The following TRAPPC9 variants were observed in gnomAD, a reference collection of about 807,000 sequenced individuals.
TRAPPC9 encodes the protein trafficking protein particle complex subunit 9, also known as IKK2 binding protein.
Under a neutral mutation model 124.0 loss-of-function variants are expected in TRAPPC9, and 83 were observed. The ratio of observed to expected loss-of-function variants is 0.67; its 90% CI spans 0.56 to 0.80. TRAPPC9 has a LOEUF of 0.80. Among genes scored for constraint, TRAPPC9 ranks in the 30% least tolerant of loss-of-function variants. TRAPPC9 has a pLI of 0.00. For missense variants in TRAPPC9, 1,302 were observed against 1,508.3 expected (o/e 0.86, Z 2.27); for synonymous variants, 638 against 617.5 (o/e 1.03, Z -0.49).
intron 6 of TRAPPC9, among the ~76,000 whole-genome samples, chr8:140,400,899 C>G (rs914297431): frequency 6.6e-6 from 1 of 152,192 alleles, no homozygotes; most frequent in South Asian, 2.1e-4. Flanking sequence ...AGCCATTCTG[C>G]ATTTTTGTTT....
chr8:140,339,300 A>G (rs2067132621), intron 9 of TRAPPC9, among the ~76,000 whole-genome samples: 3 of 152,264 alleles, frequency 2.0e-5, no homozygotes, highest in Admixed American at 2.0e-4. Flanking sequence ...AATTTGCAGT[A>G]TGTGAAACAT....
At chr8:140,032,222 T>A (rs1840540475) in intron 17 of TRAPPC9, among the ~76,000 whole-genome samples, 1 of 152,250 alleles carries the variant, frequency 6.6e-6, no homozygotes, top group Non-Finnish European at 1.5e-5. Flanking sequence ...TTCAGTCATT[T>A]AAAATGTAAG....
intron 21 of TRAPPC9, among the ~76,000 whole-genome samples, chr8:139,866,764 CTG>C (rs139054349): frequency 3.3e-5 from 5 of 151,048 alleles, no homozygotes; most frequent in East Asian, 1.9e-4. Flanking sequence ...GATGTTGAGG[CTG>C]TGTGTGTGTG....
intron 18 of TRAPPC9, among the ~76,000 whole-genome samples, chr8:140,006,342 T>C (rs576795922): frequency 6.6e-6 from 1 of 152,232 alleles, no homozygotes; most frequent in Non-Finnish European, 1.5e-5. Flanking sequence ...ATCAAAAAGA[T>C]AGATACAATA....
At position 140,000,852 on chromosome 8, in the gene TRAPPC9, T is replaced by TC. The variant is rs545519485; in HGVS notation, c.2700-12017_2700-12016insG. Among the ~76,000 whole-genome samples the TC allele has an allele frequency of 2.3e-4, 35 of 152,278 alleles. 1 individual carries two copies. The South Asian group carries it at 7.1e-3, about 31-fold the overall frequency. On this transcript the variant is annotated intron_variant, in intron 18 of 22. Coordinates refer to ENST00000438773, the MANE Select transcript of TRAPPC9 (RefSeq NM_001160372.4). ...TCCCTCAAGGATCTAGAACTGGAAA[T>TC]ACCATTTGAACCAGCGATCCCATTA...
intron 10 of TRAPPC9, among the ~76,000 whole-genome samples, chr8:140,307,373 A>G (rs1190523160): frequency 6.6e-6 from 1 of 152,226 alleles, no homozygotes; most frequent in Non-Finnish European, 1.5e-5. Flanking sequence ...TATATGTGCC[A>G]TAAATTATTT....
intron 1 of TRAPPC9, among the ~76,000 whole-genome samples, chr8:140,452,818 G>C (rs889134878): frequency 6.6e-6 from 1 of 151,868 alleles, no homozygotes; most frequent in African/African-American, 2.4e-5. Flanking sequence ...CTGGAAGTCA[G>C]GGCCGATATT....
intron 21 of TRAPPC9, among the ~76,000 whole-genome samples, chr8:139,841,293 G>A (rs556870224): frequency 6.6e-6 from 1 of 152,324 alleles, no homozygotes; most frequent in East Asian, 1.9e-4. Flanking sequence ...ACCTGCACCT[G>A]CAACCCTAAT....
At chr8:140,422,796 C>T (rs1588326801) in intron 5 of TRAPPC9, among the ~76,000 whole-genome samples, 1 of 145,186 alleles carries the variant, frequency 6.9e-6, no homozygotes, top group South Asian at 2.2e-4. Flanking sequence ...AATAAAAAGA[C>T]AAAAAGACAA....
intron 19 of TRAPPC9, among the ~76,000 whole-genome samples, chr8:139,967,865 G>A (rs181028924): frequency 5.3e-5 from 8 of 152,308 alleles, no homozygotes; most frequent in East Asian, 1.9e-4. Context: ...GTGGCCGGGC[G>A]CGGTGGCTCA....
At position 139,773,192 on chromosome 8, in the gene TRAPPC9, C is replaced by A. The variant is rs1018116286; in HGVS notation, c.3056-40990G>T. Among the ~76,000 whole-genome samples, 3 of 152,364 alleles carry A rather than the reference C, an allele frequency of 2.0e-5. No individual in the cohort carries two copies. The East Asian group carries it at 5.8e-4, about 29-fold the overall frequency. ...AGGTAGGGCTGTGTGGGGTTAGTCACCCAGCAGGACGCCTGGCGCGCCCAG... is the reference window on the plus strand; with the variant it reads ...AGGTAGGGCTGTGTGGGGTTAGTCAACCAGCAGGACGCCTGGCGCGCCCAG... On this transcript the variant is annotated intron_variant, in intron 21 of 22. Transcript: ENST00000438773.
At chr8:140,407,649 GCTGGAGTGCAGTGGTA>G (rs2069540314) in intron 5 of TRAPPC9, among the ~76,000 whole-genome samples, 1 of 152,024 alleles carries the variant, frequency 6.6e-6, no homozygotes, top group African/African-American at 2.4e-5. Flanking sequence ...TGTCACCCAG[GCTGGAGTGCAGTGGTA>G]CTGGAGTGCA....
chr8:140,261,552 G>A (rs1022609986), intron 15 of TRAPPC9, among the ~76,000 whole-genome samples: 1 of 152,190 alleles, frequency 6.6e-6, no homozygotes, highest in Non-Finnish European at 1.5e-5. Context: ...ACTGAAATAA[G>A]ACTTGCTGTC....
intron 19 of TRAPPC9, among the ~76,000 whole-genome samples, chr8:139,973,175 G>A (rs1424488918): frequency 2.0e-5 from 3 of 152,210 alleles, no homozygotes; most frequent in African/African-American, 7.2e-5. Flanking sequence ...TCCTTGTCAT[G>A]TGAACAGAGA....
rs1179398629 is a variant in TRAPPC9, at chr8:140,239,800, AAG to A, written c.2431+12975_2431+12976del. On this transcript the variant is annotated intron_variant, in intron 16 of 22. Coordinates refer to ENST00000438773, the MANE Select transcript of TRAPPC9 (RefSeq NM_001160372.4). Reference sequence around the variant, plus strand: ...GGCAAATAGAAATTGCAAAGAGAAAAAGAAATATTATGGCATTAAGATTCCAA... The same window carrying A: ...GGCAAATAGAAATTGCAAAGAGAAAAAAATATTATGGCATTAAGATTCCAA... Among the ~76,000 whole-genome samples the A allele has an allele frequency of 2.0e-5, 3 of 152,228 alleles. No homozygotes were observed. In the East Asian group the frequency reaches 5.8e-4, roughly 29 times the overall value.
At position 140,066,680 on chromosome 8, in the gene TRAPPC9, T is replaced by C. The variant is rs186573755; in HGVS notation, c.2557-42601A>G. On this transcript the variant is annotated intron_variant, in intron 17 of 22. Transcript: ENST00000438773. Reference sequence around the variant, plus strand: ...ATGCAATTCTCAACCAGCAGGGAGGTACTTAACACCTACTCGGTGCAAAGC... The same window carrying C: ...ATGCAATTCTCAACCAGCAGGGAGGCACTTAACACCTACTCGGTGCAAAGC... 8.0e-4 allele frequency among the ~76,000 whole-genome samples: 122 copies of C among 152,096 alleles called. No homozygotes were observed. In the Middle Eastern group the frequency reaches 0.01, roughly 13 times the overall value.
rs1261606109 is a variant in TRAPPC9, at chr8:140,290,990, T to C, written c.1854+3A>G. The C allele has an allele frequency of 1.2e-6, 2 of 1,613,614 alleles. No homozygotes were observed. The highest frequency in any genetic ancestry group is 1.7e-6 in the Non-Finnish European group (2 of 1,179,522). Reference sequence around the variant, plus strand: ...AAAAGGTCAAATGATTGGTGATACATACCATGTTTTCAACTCGAAGTTCAA... The same window carrying C: ...AAAAGGTCAAATGATTGGTGATACACACCATGTTTTCAACTCGAAGTTCAA... On this transcript the variant is annotated splice_donor_region_variant and intron_variant, in intron 12 of 22. Transcript: ENST00000438773.
At chr8:140,250,107 T>C (rs1344062926) in intron 16 of TRAPPC9, among the ~76,000 whole-genome samples, 3 of 152,248 alleles carry the variant, frequency 2.0e-5, no homozygotes, top group African/African-American at 4.8e-5. Context: ...CGGCATTTGA[T>C]TGTTACAGCT....
intron 21 of TRAPPC9, among the ~76,000 whole-genome samples, chr8:139,842,547 G>A (rs1490172178): frequency 6.6e-6 from 1 of 152,126 alleles, no homozygotes; most frequent in Non-Finnish European, 1.5e-5. Context: ...GTCGGCAGGC[G>A]ATTCATCACA....
Sources: allele counts gnomAD v4.1 joint callset (sites outside exome capture counted in the v4.1 genomes callset), GRCh38; gene constraint gnomAD v4.1.1; transcripts MANE v1.5; gene names NCBI Gene and HGNC (gene_info 2026-07-23, HGNC 2026-07-21).